The following ALX4 variants were observed in gnomAD, a reference collection of about 807,000 sequenced individuals.
ALX4 encodes homeobox protein aristaless-like 4.
Under a neutral mutation model 40.6 loss-of-function variants are expected in ALX4, and 22 were observed. That is an observed-to-expected ratio of 0.54 (90% CI 0.39 to 0.77). The LOEUF is 0.77. ALX4 is among the 30% of genes least tolerant of loss of function. ALX4 has a pLI of 0.00. For missense variants in ALX4, 556 were observed against 564.8 expected (o/e 0.98, Z 0.16); for synonymous variants, 266 against 240.5 (o/e 1.11, Z -0.98).
intron 1 of ALX4, among the ~76,000 whole-genome samples, chr11:44,307,874 G>A (rs1396949007): frequency 6.6e-6 from 1 of 151,998 alleles, no homozygotes; most frequent in Non-Finnish European, 1.5e-5. Flanking sequence ...GTGTGTCCGT[G>A]TGTGGAGCTG....
intron 1 of ALX4, among the ~76,000 whole-genome samples, chr11:44,288,296 T>C (rs532368887): frequency 3.4e-4 from 52 of 152,040 alleles, no homozygotes; most frequent in South Asian, 1.9e-3. Context: ...CCCAGAGAGA[T>C]TGAAAATAAT....
Position 44,264,936 on chromosome 11 carries a change from T to A in ALX4, c.1154A>T (p.Glu385Val). The A allele has an allele frequency of 6.2e-7, 1 of 1,613,068 alleles. No homozygotes were observed. The highest frequency in any genetic ancestry group is 8.5e-7 in the Non-Finnish European group (1 of 1,179,936). Residue 385 changes from glutamate to valine, a missense_variant, in exon 4 of 4, where the codon GAG becomes GTG. Glu to Val is a moderately radical substitution (Grantham distance 121). Coordinates refer to ENST00000652299, the MANE Select transcript of ALX4 (RefSeq NM_021926.4). ...PGLNGYELNG[E>V]PDRKTSSIAA... is the part of the protein sequence containing the mutation. ...GATGCTCGAGGTCTTGCGGTCCGGC[T>A]CGCCGTTGAGCTCGTAGCCATTGAG...
chr11:44,271,067 C>A (rs1416609733), intron 2 of ALX4, among the ~76,000 whole-genome samples: 1 of 152,220 alleles, frequency 6.6e-6, no homozygotes, highest in Admixed American at 6.5e-5. Context: ...CACCACCACT[C>A]TACGCCAGGC....
chr11:44,287,135 C>T (rs1311418152), intron 1 of ALX4, among the ~76,000 whole-genome samples: 7 of 152,236 alleles, frequency 4.6e-5, no homozygotes, highest in Admixed American at 2.0e-4. Flanking sequence ...TCTGCCACCC[C>T]GTCCTCCACT....
chr11:44,306,680 G>T (rs200612751), intron 1 of ALX4, among the ~76,000 whole-genome samples: 6 of 152,220 alleles, frequency 3.9e-5, no homozygotes, highest in East Asian at 1.9e-4. Context: ...ATTTTTCCTT[G>T]AACTCCATTT....
intron 1 of ALX4, among the ~76,000 whole-genome samples, chr11:44,280,525 T>C (rs1200765077): frequency 6.6e-6 from 1 of 152,212 alleles, no homozygotes; most frequent in Non-Finnish European, 1.5e-5. Context: ...CAGCTCCTTG[T>C]GGACCCGGAA....
In ALX4 at chr11:44,269,512, G is replaced by A. The variant is rs537237197; in HGVS notation, c.778-1890C>T. ...CCCCTCCCTAATCCTAAGCATGTGT[G>A]TGCGTGCACGAGTGTACCCACTAGT... On this transcript the variant is annotated intron_variant, in intron 2 of 3. Transcript: ENST00000652299. Among the ~76,000 whole-genome samples the A allele has an allele frequency of 2.6e-5, 4 of 152,354 alleles. No individual in the cohort carries two copies. The East Asian group carries it at 7.7e-4, about 29-fold the overall frequency.
intron 1 of ALX4, among the ~76,000 whole-genome samples, chr11:44,305,821 C>T (rs1956463727): frequency 6.6e-6 from 1 of 152,206 alleles, no homozygotes; most frequent in South Asian, 2.1e-4. Flanking sequence ...CTGCTTTCAA[C>T]AAAAACCTGT....
chr11:44,275,703 A>G lies in ALX4; in HGVS notation c.467-45T>C, dbSNP rs11037929. The G allele has an allele frequency of 0.96, 1,526,181 of 1,590,432 alleles. 733,003 individuals carry two copies. Among genetic ancestry groups the G allele is most frequent in the East Asian group, 1 (44,567 of 44,570 alleles). On this transcript the variant is annotated intron_variant, in intron 1 of 3. Coordinates refer to ENST00000652299, the MANE Select transcript of ALX4 (RefSeq NM_021926.4). ...AGTCAGAAACCAATGGTTGAACCAA[A>G]CAAGAGAAGGGGAATGTCAGGGGGA...
In ALX4 at chr11:44,262,618, C is replaced by T. The variant is rs1370412362; in HGVS notation, c.*2236G>A. The stretch of plus-strand genomic sequence containing the variant: ...CCCTGCCTGCTCTGGAGCTACCTGT[C>T]TGTCCTCCTCTTTGTCCTGATTCCC... On this transcript the variant is annotated 3_prime_UTR_variant, in exon 4 of 4. Coordinates refer to ENST00000652299, the MANE Select transcript of ALX4 (RefSeq NM_021926.4). 6.6e-6 allele frequency: 1 copy of T among 152,498 alleles called. No homozygotes were observed. The highest frequency in any genetic ancestry group is 1.5e-5 in the Non-Finnish European group (1 of 68,246). 9.4% of individuals were successfully genotyped at this position (152,498 alleles called of 1,614,324 possible). A position where few individuals can be genotyped will look rare whatever the true frequency, so the allele number is the denominator to read the frequency against.
At chr11:44,290,526 G>A (rs1956363215) in intron 1 of ALX4, among the ~76,000 whole-genome samples, 1 of 152,230 alleles carries the variant, frequency 6.6e-6, no homozygotes, top group African/African-American at 2.4e-5. Context: ...TGGTGACCAG[G>A]GCAGGGGCAC....
chr11:44,273,014 C>T (rs1049140732), intron 2 of ALX4, among the ~76,000 whole-genome samples: 2 of 152,002 alleles, frequency 1.3e-5, no homozygotes, highest in Admixed American at 6.6e-5. Context: ...CCTTCTTAAA[C>T]AGAAAATGGT....
intron 1 of ALX4, among the ~76,000 whole-genome samples, chr11:44,301,885 G>T (rs1171036915): frequency 6.6e-6 from 1 of 152,232 alleles, no homozygotes; most frequent in South Asian, 2.1e-4. Flanking sequence ...GGGACAGAGG[G>T]TATATTCCAG....
chr11:44,269,571 TTGAC>T (rs1032742515), intron 2 of ALX4, among the ~76,000 whole-genome samples: 3 of 152,142 alleles, frequency 2.0e-5, no homozygotes, highest in Non-Finnish European at 4.4e-5. Flanking sequence ...TGCACACACA[TTGAC>T]TGGGGGAGGA....
At chr11:44,268,050 G>A (rs1288402517) in intron 2 of ALX4, among the ~76,000 whole-genome samples, 3 of 152,142 alleles carry the variant, frequency 2.0e-5, no homozygotes, top group Non-Finnish European at 4.4e-5. Flanking sequence ...TTTCCAAAAG[G>A]TTCATGGCTC....
At chr11:44,288,482 A>G (rs1956351706) in intron 1 of ALX4, among the ~76,000 whole-genome samples, 1 of 152,250 alleles carries the variant, frequency 6.6e-6, no homozygotes, top group Non-Finnish European at 1.5e-5. Flanking sequence ...CCTCTTGTGA[A>G]GCTGGCATAT....
At chr11:44,298,610 T>C (rs1157115068) in intron 1 of ALX4, among the ~76,000 whole-genome samples, 4 of 152,062 alleles carry the variant, frequency 2.6e-5, no homozygotes, top group East Asian at 3.9e-4. Context: ...ACCATTTGGC[T>C]AGAGCCGACC....
At position 44,264,733 on chromosome 11, in the gene ALX4, G is replaced by C; in HGVS notation, c.*121C>G. The C allele has an allele frequency of 8.6e-7, 1 of 1,161,330 alleles. No individual in the cohort carries two copies. The highest frequency in any genetic ancestry group is 1.2e-6 in the Non-Finnish European group (1 of 828,736). 71.9% of individuals were successfully genotyped at this position (1,161,330 alleles called of 1,614,324 possible). On this transcript the variant is annotated 3_prime_UTR_variant, in exon 4 of 4. Coordinates refer to ENST00000652299, the MANE Select transcript of ALX4 (RefSeq NM_021926.4). ...GACTTGGGGCGGCTGAAAGTGCTGA[G>C]GGTCAGGCCCCTGGCCCAGGCCAGG...
chr11:44,309,610 C>A lies in ALX4; in HGVS notation c.453G>T (p.Gln151His). The change falls in exon 1 of 4, where the codon CAG becomes CAT. Residue 151 changes from glutamine to histidine, a missense_variant. Coordinates refer to ENST00000652299, the MANE Select transcript of ALX4 (RefSeq NM_021926.4). ...EGSSGHSAAL[Q>H]VPCYAKESSL... ...ACGTGCACTCACCGTAGCAGGGAAC[C>A]TGCAAGGCCGCGCTGTGGCCGCTGC... is the stretch of plus-strand genomic sequence containing the variant. 2 of 1,586,418 alleles carry A rather than the reference C, an allele frequency of 1.3e-6. No individual in the cohort carries two copies. Among genetic ancestry groups the A allele is most frequent in the Non-Finnish European group, 1.7e-6 (2 of 1,174,518 alleles).
Sources: allele counts gnomAD v4.1 joint callset (sites outside exome capture counted in the v4.1 genomes callset), GRCh38; gene constraint gnomAD v4.1.1; transcripts MANE v1.5; gene names NCBI Gene and HGNC (gene_info 2026-07-23, HGNC 2026-07-21).